HBS1L: variants seen among roughly 807,000 people sequenced by gnomAD.
HBS1L encodes HBS1-like protein.
Under a neutral mutation model 88.9 loss-of-function variants are expected in HBS1L, and 55 were observed. The ratio of observed to expected loss-of-function variants is 0.62; its 90% confidence interval spans 0.50 to 0.77. The LOEUF is 0.77. Among genes scored for constraint, HBS1L ranks in the 30% least tolerant of loss-of-function variants. The pLI is 0.00. For synonymous variants in HBS1L, 267 were observed against 288.5 expected (o/e 0.93, Z 0.76); for missense variants, 741 against 829.3 (o/e 0.89, Z 1.31).
chr6:135,029,366 T>G (rs531714710), intron 4 of HBS1L, among the ~76,000 whole-genome samples: 18 of 151,612 alleles, frequency 1.2e-4, no homozygotes, highest in Non-Finnish European at 2.5e-4. Context: ...TCCACACATA[T>G]ACATACACAT....
intron 8 of HBS1L, 44 bp downstream of exon 8, chr6:134,993,714 G>A (rs1775209696): frequency 2.4e-6 from 2 of 817,448 alleles, no homozygotes; most frequent in East Asian, 2.8e-5. Flanking sequence ...AAAATTTTAT[G>A]TAAAGTACAA....
chr6:134,998,884 A>G (rs1775365769), intron 5 of HBS1L, among the ~76,000 whole-genome samples: 1 of 152,232 alleles, frequency 6.6e-6, no homozygotes, highest in Admixed American at 6.5e-5. Context: ...AGACAGATGC[A>G]CTTCATCTTA....
Position 135,002,823 on chromosome 6 carries a change from C to A in HBS1L, c.450G>T (p.Gln150His), listed in dbSNP as rs35697718. 6.2e-7 allele frequency: 1 copy of A among 1,612,206 alleles called. No individual in the cohort carries two copies. The highest frequency in any genetic ancestry group is 2.2e-5 in the East Asian group (1 of 44,804). ...CAATTTCAGATTCACTTCGCGATGT[C>A]TGGGAATCTACTGGTTTTCCTAGTT... Reference protein sequence around the residue: ...KIAKGKPVDSQTSRSESEIVP... With the variant: ...KIAKGKPVDSHTSRSESEIVP... The change falls in exon 5 of 18, where the codon CAG becomes CAT. Residue 150 changes from glutamine to histidine, a missense_variant. By Grantham distance (24) the Gln-to-His change is conservative (BLOSUM62 0). Around this residue, in one of 3 missense-constraint regions of HBS1L, gnomAD observed 556 missense variants for 598.4 expected, o/e 0.93. Transcript: ENST00000367837.
rs780104971 is a variant in HBS1L, at chr6:135,050,639, C to G, written c.52G>C (p.Asp18His). 8 of 1,583,790 alleles carry G rather than the reference C, an allele frequency of 5.1e-6. No homozygotes were observed. In the South Asian group the frequency reaches 9.2e-5, roughly 18 times the overall value. ...RGYNYDEDFE[D>H]DDLYGQSVED... ...ACAGACTGGCCGTAGAGATCATCAT[C>G]TTCAAAATCTAAAATAAAGACAAAA... is the stretch of plus-strand genomic sequence containing the variant. The change falls in exon 2 of 18, where the codon GAT becomes CAT. Residue 18 changes from aspartate (D) to histidine (H), a missense_variant. Coordinates refer to ENST00000367837, the MANE Select transcript of HBS1L (RefSeq NM_006620.4).
chr6:134,969,389 C>A (rs77340579), intron 15 of HBS1L, 51 bp from the exon 16 acceptor site: 15 of 1,156,224 alleles, frequency 1.3e-5, no homozygotes, highest in Middle Eastern at 1.9e-4. Context: ...GTATCTCTGG[C>A]CTTTTCTTTT....
chr6:135,017,561 T>A (rs763425960), intron 4 of HBS1L, among the ~76,000 whole-genome samples: 1 of 152,058 alleles, frequency 6.6e-6, no homozygotes, highest in Admixed American at 6.5e-5. Flanking sequence ...TCTTAATCAA[T>A]ATTTTGGAAG....
intron 15 of HBS1L, 78 bp downstream of exon 15, chr6:134,978,601 T>C (rs991836178): frequency 8.2e-6 from 6 of 735,932 alleles, no homozygotes; most frequent in South Asian, 2.0e-5. Flanking sequence ...TCACCACTTG[T>C]AAAGAAAGTT....
chr6:134,975,417 C>G (rs1774614847), intron 15 of HBS1L, among the ~76,000 whole-genome samples: 1 of 152,082 alleles, frequency 6.6e-6, no homozygotes, highest in Admixed American at 6.6e-5. Context: ...TCCTAAAATT[C>G]ATATGGAACC....
intron 11 of HBS1L, 48 bp downstream of exon 11, chr6:134,986,018 T>C (rs1459324129): frequency 5.0e-6 from 4 of 806,818 alleles, no homozygotes; most frequent in Non-Finnish European, 4.2e-6. Context: ...AAATAATAAT[T>C]AATACCAAGT....
chr6:134,978,587 AG>A, intron 15 of HBS1L, 91 bp downstream of exon 15: 1 of 625,362 alleles, frequency 1.6e-6, no homozygotes, highest in Admixed American at 2.8e-5. Context: ...AAATAAATAT[AG>A]TATCACCACT....
rs138979664 is a variant in HBS1L at position 135,021,884 on chromosome 6, C to A, written c.430+17689G>T. Among the ~76,000 whole-genome samples the A allele has an allele frequency of 8.6e-3, 1,308 of 152,156 alleles. 12 individuals carry two copies. The highest frequency in any genetic ancestry group is 0.03 in the African/African-American group (1,232 of 41,550). The stretch of plus-strand genomic sequence containing the variant: ...CAAAGCCTGACACATAGCTGATATT[C>A]AAAATGTTAATTCACCTTCCTATCC... On this transcript the variant is annotated intron_variant, in intron 4 of 17. Transcript: ENST00000367837.
chr6:134,980,960 G>A lies in HBS1L; in HGVS notation c.1597+1498C>T, dbSNP rs1488107266. Among the ~76,000 whole-genome samples, 4 of 151,838 alleles carry A rather than the reference G, an allele frequency of 2.6e-5. No homozygotes were observed. The East Asian group carries it at 7.7e-4, about 29-fold the overall frequency. ...AACCTCTCTGTTGAGTTAAAAGACT[G>A]GCTCTCAAGAAGTAGGGTGGTTCTT... is the stretch of plus-strand genomic sequence containing the variant. On this transcript the variant is annotated intron_variant, in intron 13 of 17. Coordinates refer to ENST00000367837, the MANE Select transcript of HBS1L (RefSeq NM_006620.4).
rs1209345969 is a variant in HBS1L at position 134,964,809 on chromosome 6, T to G, written c.*470A>C. 1 of 141,284 alleles carries G rather than the reference T, an allele frequency of 7.1e-6. No homozygotes were observed. Among genetic ancestry groups the G allele is most frequent in the Non-Finnish European group, 1.5e-5 (1 of 67,172 alleles). 8.8% of individuals were successfully genotyped at this position (141,284 alleles called of 1,614,324 possible). ...ATTATAACCTTCCCCAAATCTTTTCTTAGCATTAACTGGAAAAAAAAAAAA... is the reference window on the plus strand; with the variant it reads ...ATTATAACCTTCCCCAAATCTTTTCGTAGCATTAACTGGAAAAAAAAAAAA... On this transcript the variant is annotated 3_prime_UTR_variant, in exon 18 of 18. Transcript: ENST00000367837.
chr6:134,963,895 A>C lies in HBS1L; in HGVS notation c.*1384T>G, dbSNP rs1774241029. On this transcript the variant is annotated 3_prime_UTR_variant, in exon 18 of 18. Coordinates refer to ENST00000367837, the MANE Select transcript of HBS1L (RefSeq NM_006620.4). ...TTTTTCTTTCTGCTTCAGTCACTTG[A>C]AGTTAGATTTCTGTCACATATATCT... 1 of 144,438 alleles carries C rather than the reference A, an allele frequency of 6.9e-6. No homozygotes were observed. 8.9% of individuals were successfully genotyped at this position (144,438 alleles called of 1,614,324 possible). A position where few individuals can be genotyped will look rare whatever the true frequency, so the allele number is the denominator to read the frequency against.
chr6:135,013,289 C>G (rs1193463448), intron 4 of HBS1L, among the ~76,000 whole-genome samples: 1 of 152,234 alleles, frequency 6.6e-6, no homozygotes, highest in Admixed American at 6.5e-5. Context: ...GGGTCTCTGC[C>G]AGTCACCAAA....
At chr6:135,038,864 G>A (rs1415705312) in intron 4 of HBS1L, among the ~76,000 whole-genome samples, 1 of 151,974 alleles carries the variant, frequency 6.6e-6, no homozygotes, top group African/African-American at 2.4e-5. Flanking sequence ...AAAGCATAAA[G>A]GGATTTTTTT....
chr6:134,962,324 T>C lies in HBS1L; in HGVS notation c.*2955A>G, dbSNP rs1318363022. On this transcript the variant is annotated 3_prime_UTR_variant, in exon 18 of 18. Transcript: ENST00000367837. ...ATAACTTGGCTAACGCTCACAACTATGTAAAAAAATGCATTGGAGAGACAG... is the reference window on the plus strand; with the variant it reads ...ATAACTTGGCTAACGCTCACAACTACGTAAAAAAATGCATTGGAGAGACAG... The C allele has an allele frequency of 1.3e-5, 2 of 152,186 alleles. No individual in the cohort carries two copies. Among genetic ancestry groups the C allele is most frequent in the Admixed American group, 6.5e-5 (1 of 15,278 alleles). The allele number at this position is 152,186 out of a possible 1,614,324, so 9.4% of individuals were successfully genotyped here.
At chr6:135,006,745 G>A (rs1403430963) in intron 4 of HBS1L, among the ~76,000 whole-genome samples, 3 of 152,132 alleles carry the variant, frequency 2.0e-5, no homozygotes, top group African/African-American at 4.8e-5. Context: ...GGGAGTGACA[G>A]GTGAGTGAGG....
In HBS1L at chr6:134,978,738, G is replaced by T. The variant is rs769187977; in HGVS notation, c.1738C>A (p.Arg580Ser). ...GPKVPIKACT[R>S]FRARILIFNI... is the part of the protein sequence containing the mutation. The stretch of plus-strand genomic sequence containing the variant: ...AAGATGAGGATTCGGGCTCTGAAAC[G>T]AGTGCAAGCTTTAATGGGTACTTTG... The change falls in exon 15 of 18, where the codon CGT becomes AGT. Residue 580 changes from arginine to serine, a missense_variant. Arg to Ser is a moderately radical substitution (Grantham distance 110). Coordinates refer to ENST00000367837, the MANE Select transcript of HBS1L (RefSeq NM_006620.4). 1 of 1,609,490 alleles carries T rather than the reference G, an allele frequency of 6.2e-7. No homozygotes were observed. The highest frequency in any genetic ancestry group is 2.2e-5 in the East Asian group (1 of 44,730).
Sources: gnomAD v4.1 joint callset for allele counts (sites outside exome capture counted in the v4.1 genomes callset) on GRCh38, gnomAD v4.1.1 for gene constraint, gnomAD v4.1.1 regional missense constraint, MANE v1.5 for transcripts, NCBI Gene and HGNC (gene_info 2026-07-23, HGNC 2026-07-21) for gene names.